Variants in RBFOX2 observed in about 807,000 individuals in gnomAD.
The protein encoded by RBFOX2 is RNA binding protein fox-1 homolog 2.
In RBFOX2, 10 loss-of-function variants were observed where a neutral mutation model predicts 49.1. That is an observed-to-expected ratio of 0.20 (90% CI 0.13 to 0.35). The LOEUF (loss-of-function observed/expected upper bound fraction) is 0.35. Ranked by LOEUF, RBFOX2 falls within the 10% of genes least tolerant of loss-of-function variation. The probability of loss-of-function intolerance (pLI) is 1.00; values close to 1 mark genes in which losing one functional copy is unlikely to be tolerated. For synonymous variants in RBFOX2, 183 were observed against 187.4 expected (o/e 0.98, Z 0.19); for missense variants, 323 against 486.9 (o/e 0.66, Z 3.17).
At chr22:35,760,769 G>GCTC in intron 8 of RBFOX2, among the ~76,000 whole-genome samples, 1 of 152,224 alleles carries the variant, frequency 6.6e-6, no homozygotes, top group East Asian at 1.9e-4. Context: ...TATACCTCTT[G>GCTC]CTGGAGTAAA....
chr22:35,894,226 T>G (rs1360527257), intron 1 of RBFOX2, among the ~76,000 whole-genome samples: 1 of 152,222 alleles, frequency 6.6e-6, no homozygotes, highest in Non-Finnish European at 1.5e-5. Flanking sequence ...TAATTACTAT[T>G]CTAACTGCTA....
At chr22:35,908,892 G>A (rs2049438622) in intron 1 of RBFOX2, among the ~76,000 whole-genome samples, 1 of 151,002 alleles carries the variant, frequency 6.6e-6, no homozygotes, top group South Asian at 2.1e-4. Flanking sequence ...ACCCAGGCTG[G>A]AGTGCAGTGG....
intron 2 of RBFOX2, among the ~76,000 whole-genome samples, chr22:35,801,566 T>C (rs578005257): frequency 6.6e-6 from 1 of 152,174 alleles, no homozygotes; most frequent in South Asian, 2.1e-4. Flanking sequence ...GACTCACACC[T>C]GCAATCCCAG....
At chr22:35,873,067 AC>A (rs1215528992) in intron 1 of RBFOX2, among the ~76,000 whole-genome samples, 7 of 152,110 alleles carry the variant, frequency 4.6e-5, no homozygotes, top group African/African-American at 1.7e-4. Context: ...CCATTACCAC[AC>A]TGCAGAGATT....
chr22:35,984,821 T>C (rs1402966788), intron 1 of RBFOX2, among the ~76,000 whole-genome samples: 2 of 152,194 alleles, frequency 1.3e-5, no homozygotes, highest in African/African-American at 4.8e-5. Context: ...CCTTACCCAG[T>C]CTGCATAGAA....
At chr22:35,824,532 T>C (rs1466631800) in intron 1 of RBFOX2, among the ~76,000 whole-genome samples, 1 of 152,190 alleles carries the variant, frequency 6.6e-6, no homozygotes, top group Non-Finnish European at 1.5e-5. Context: ...TTTATCACAA[T>C]GAGGCCAGCC....
intron 1 of RBFOX2, among the ~76,000 whole-genome samples, chr22:35,849,384 C>T (rs996294753): frequency 2.0e-5 from 3 of 151,608 alleles, no homozygotes; most frequent in Non-Finnish European, 4.4e-5. Flanking sequence ...TGAATGCCAA[C>T]CACCTTTGTC....
chr22:35,845,822 T>C (rs1266142888), intron 1 of RBFOX2, among the ~76,000 whole-genome samples: 4 of 152,214 alleles, frequency 2.6e-5, no homozygotes, highest in Non-Finnish European at 5.9e-5. Context: ...TCCAACGGCA[T>C]GCCACGAATA....
intron 1 of RBFOX2, among the ~76,000 whole-genome samples, chr22:35,932,757 T>C (rs1603450375): frequency 6.6e-6 from 1 of 152,180 alleles, no homozygotes; most frequent in South Asian, 2.1e-4. Flanking sequence ...GTCGCATGTC[T>C]GTAATCCCAG....
chr22:36,025,319 T>C (rs1273323927), intron 1 of RBFOX2, among the ~76,000 whole-genome samples: 2 of 152,124 alleles, frequency 1.3e-5, no homozygotes, highest in Non-Finnish European at 2.9e-5. Flanking sequence ...GAATGGCCCA[T>C]TACCTCACTT....
At chr22:35,897,063 G>T (rs1569469588) in intron 1 of RBFOX2, among the ~76,000 whole-genome samples, 1 of 152,092 alleles carries the variant, frequency 6.6e-6, no homozygotes, top group East Asian at 1.9e-4. Context: ...ACACTGATAA[G>T]AGATTCATTT....
intron 1 of RBFOX2, among the ~76,000 whole-genome samples, chr22:35,957,023 G>A (rs2055643284): frequency 6.6e-6 from 1 of 152,168 alleles, no homozygotes; most frequent in African/African-American, 2.4e-5. Context: ...GGCAGTTTGT[G>A]GCATAATAAG....
At chr22:35,744,077 G>GTT in exon 12 of RBFOX2, 2 of 771,746 alleles carry the variant, frequency 2.6e-6, no homozygotes, top group South Asian at 4.7e-5. Flanking sequence ...CTTTTTTTGT[G>GTT]TTTTTTTTTG....
intron 2 of RBFOX2, among the ~76,000 whole-genome samples, chr22:35,802,711 G>A (rs1950000114): frequency 6.6e-6 from 1 of 152,174 alleles, no homozygotes. Context: ...GCTTGAGGCT[G>A]TGGTCTGAAG....
At chr22:35,757,514 G>C (rs543444260) in intron 9 of RBFOX2, among the ~76,000 whole-genome samples, 2 of 152,274 alleles carry the variant, frequency 1.3e-5, no homozygotes, top group South Asian at 4.1e-4. Context: ...AAGCTGACAA[G>C]TAAAGTCATC....
intron 1 of RBFOX2, among the ~76,000 whole-genome samples, chr22:35,917,099 G>A (rs2050515022): frequency 6.6e-6 from 1 of 152,186 alleles, no homozygotes; most frequent in African/African-American, 2.4e-5. Flanking sequence ...AACAGCATGA[G>A]AATGCCAAAA....
chr22:35,819,307 A>G lies in RBFOX2; in HGVS notation c.28-9303T>C, dbSNP rs544984030. On this transcript the variant is annotated intron_variant, in intron 1 of 11. Transcript: ENST00000405409. ...CCACAATATAAATAATCATTCTATTAAGATACATATAAGGCTATATGTGGG... is the reference window on the plus strand; with the variant it reads ...CCACAATATAAATAATCATTCTATTGAGATACATATAAGGCTATATGTGGG... 9.2e-5 allele frequency among the ~76,000 whole-genome samples: 14 copies of G among 152,336 alleles called. No individual in the cohort carries two copies. The East Asian group carries it at 2.7e-3, about 29-fold the overall frequency.
chr22:35,841,303 T>G (rs918441847), upstream of RBFOX2, among the ~76,000 whole-genome samples: 16 of 152,172 alleles, frequency 1.1e-4, no homozygotes, highest in African/African-American at 3.9e-4. Flanking sequence ...AAATAGTAAT[T>G]GTTATAGAAT....
chr22:35,754,291 C>T (rs1172292989), intron 9 of RBFOX2, among the ~76,000 whole-genome samples: 1 of 151,040 alleles, frequency 6.6e-6, no homozygotes, highest in Middle Eastern at 3.2e-3. Context: ...CAGGGTTTCA[C>T]CATGTTAGCC....
Sources: gnomAD v4.1 joint callset for allele counts (sites outside exome capture counted in the v4.1 genomes callset) on GRCh38, gnomAD v4.1.1 for gene constraint, MANE v1.5 for transcripts, NCBI Gene and HGNC (gene_info 2026-07-23, HGNC 2026-07-21) for gene names.